The following LIN28B variants were observed in gnomAD, a reference collection of about 807,000 sequenced individuals.
LIN28B encodes lin-28 RNA binding posttranscriptional regulator B, also known as protein lin-28 homolog B.
In LIN28B, 5 loss-of-function variants were observed where a neutral mutation model predicts 21.9. That is an observed-to-expected ratio of 0.23 (90% confidence interval 0.12 to 0.48). The LOEUF is 0.48. Ranked by LOEUF, LIN28B falls within the 20% of genes least tolerant of loss-of-function variation. The pLI, the probability that LIN28B is intolerant of heterozygous loss-of-function variation, is 0.98. For missense variants in LIN28B, 245 were observed against 310.5 expected (o/e 0.79, Z 1.58); for synonymous variants, 109 against 111.3 (o/e 0.98, Z 0.13).
chr6:105,025,259 T>G (rs528639509), intron 2 of LIN28B, among the ~76,000 whole-genome samples: 1 of 152,280 alleles, frequency 6.6e-6, no homozygotes, highest in South Asian at 2.1e-4. Context: ...AACTACATGA[T>G]ATTCTAAATT....
chr6:104,964,208 T>C lies in LIN28B; in HGVS notation c.198+5922T>C. ...AAAAATAAGATGCACTGTGTTGTTT[T>C]TGTTTTTTTGAGACTAAGTTACCCA... On this transcript the variant is annotated intron_variant, in intron 2 of 3. Coordinates refer to ENST00000345080, the MANE Select transcript of LIN28B (RefSeq NM_001004317.4). Among the ~76,000 whole-genome samples the C allele has an allele frequency of 1.3e-5, 2 of 152,234 alleles. 1 individual carries two copies. Among genetic ancestry groups the C allele is most frequent in the Non-Finnish European group, 2.9e-5 (2 of 68,044 alleles).
At chr6:104,989,740 C>T (rs959292124) in intron 2 of LIN28B, among the ~76,000 whole-genome samples, 1 of 151,618 alleles carries the variant, frequency 6.6e-6, no homozygotes, top group African/African-American at 2.4e-5. Flanking sequence ...ACAGGCCCTG[C>T]GCCACCATGT....
upstream of LIN28B, among the ~76,000 whole-genome samples, chr6:104,956,553 G>A (rs540915564): frequency 1.3e-5 from 2 of 152,176 alleles, no homozygotes; most frequent in East Asian, 3.9e-4. Flanking sequence ...CTTTTCCTAG[G>A]TGTATGTTTT....
At chr6:105,073,159 C>G (rs1260768661) in intron 3 of LIN28B, among the ~76,000 whole-genome samples, 1 of 152,002 alleles carries the variant, frequency 6.6e-6, no homozygotes, top group Non-Finnish European at 1.5e-5. Context: ...TCCATGTGTT[C>G]AGTTGATTGG....
At chr6:104,996,852 A>G (rs1029582401) in intron 2 of LIN28B, among the ~76,000 whole-genome samples, 1 of 152,200 alleles carries the variant, frequency 6.6e-6, no homozygotes, top group African/African-American at 2.4e-5. Context: ...GTAAGGGGGC[A>G]TGCACCCGTG....
chr6:105,000,175 C>CTA (rs1770693292), intron 2 of LIN28B, among the ~76,000 whole-genome samples: 2 of 151,774 alleles, frequency 1.3e-5, no homozygotes, highest in Non-Finnish European at 2.9e-5. Context: ...ATGTTCAATT[C>CTA]TATGCATGTT....
chr6:104,959,178 A>G (rs1046180960), intron 2 of LIN28B, among the ~76,000 whole-genome samples: 8 of 152,218 alleles, frequency 5.3e-5, no homozygotes, highest in African/African-American at 1.9e-4. Flanking sequence ...ATAGTAAAAA[A>G]GATACTTTTA....
chr6:105,032,182 A>G (rs951476044), intron 3 of LIN28B, among the ~76,000 whole-genome samples: 1 of 152,248 alleles, frequency 6.6e-6, no homozygotes, highest in East Asian at 1.9e-4. Flanking sequence ...ATTGAAGGGC[A>G]TTTGAGTGGT....
intron 3 of LIN28B, among the ~76,000 whole-genome samples, chr6:105,055,139 G>A (rs888356261): frequency 6.6e-6 from 1 of 151,970 alleles, no homozygotes; most frequent in Non-Finnish European, 1.5e-5. Context: ...GGATTTATTT[G>A]TATTTATTGT....
intron 2 of LIN28B, among the ~76,000 whole-genome samples, chr6:104,974,750 TA>T (rs930560622): frequency 4.7e-4 from 71 of 151,706 alleles, no homozygotes; most frequent in Middle Eastern, 3.4e-3. Flanking sequence ...ATATGAAAGA[TA>T]AAAAAAATAA....
chr6:104,967,798 C>T (rs190605271), intron 2 of LIN28B, among the ~76,000 whole-genome samples: 312 of 152,046 alleles, frequency 2.1e-3, no homozygotes, highest in African/African-American at 7.0e-3. Flanking sequence ...CCAACCTGAG[C>T]CTTCTGAGTA....
chr6:104,953,030 T>A (rs909601480), upstream of LIN28B, among the ~76,000 whole-genome samples: 7 of 152,330 alleles, frequency 4.6e-5, no homozygotes, highest in Admixed American at 3.9e-4. Flanking sequence ...TGTCTCCATG[T>A]CGTAGGAATG....
intron 2 of LIN28B, among the ~76,000 whole-genome samples, chr6:105,002,003 A>G (rs1296770015): frequency 6.6e-6 from 1 of 152,146 alleles, no homozygotes; most frequent in Non-Finnish European, 1.5e-5. Context: ...AAACTGCATT[A>G]TGGTGAAGCT....
chr6:105,030,473 C>A (rs1031787045), intron 3 of LIN28B, among the ~76,000 whole-genome samples: 1 of 151,990 alleles, frequency 6.6e-6, no homozygotes, highest in African/African-American at 2.4e-5. Context: ...TGTGAAGCAG[C>A]CTTGAAAATC....
At chr6:104,975,189 T>G (rs528181788) in intron 2 of LIN28B, among the ~76,000 whole-genome samples, 1 of 152,240 alleles carries the variant, frequency 6.6e-6, no homozygotes, top group Admixed American at 6.5e-5. Flanking sequence ...CTAAGTAGAT[T>G]TAAGGTAATA....
chr6:105,034,194 AGAG>A (rs907207789), intron 3 of LIN28B, among the ~76,000 whole-genome samples: 5 of 151,848 alleles, frequency 3.3e-5, no homozygotes, highest in African/African-American at 1.2e-4. Context: ...CGATTTTTTT[AGAG>A]TAGTGACTGT....
intron 2 of LIN28B, among the ~76,000 whole-genome samples, chr6:104,943,266 A>T (rs889053611): frequency 1.3e-5 from 2 of 152,160 alleles, no homozygotes; most frequent in African/African-American, 4.8e-5. Flanking sequence ...TTACCTGCCT[A>T]AAAGTTTGAT....
chr6:104,997,291 AAAAAG>A (rs1486023242), intron 2 of LIN28B, among the ~76,000 whole-genome samples: 2 of 147,752 alleles, frequency 1.4e-5, no homozygotes, highest in South Asian at 2.1e-4. Flanking sequence ...AAAAAAAAAA[AAAAAG>A]AAAAGAAAAA....
intron 2 of LIN28B, among the ~76,000 whole-genome samples, chr6:104,959,717 G>A (rs969933456): frequency 6.6e-6 from 1 of 152,070 alleles, no homozygotes; most frequent in South Asian, 2.1e-4. Context: ...TACATTTTCT[G>A]TTTTTTCCCC....
Sources: gnomAD v4.1 joint callset for allele counts (sites outside exome capture counted in the v4.1 genomes callset) on GRCh38, gnomAD v4.1.1 for gene constraint, MANE v1.5 for transcripts, NCBI Gene and HGNC (gene_info 2026-07-23, HGNC 2026-07-21) for gene names.